The following PACSIN2 variants were observed in gnomAD, a reference collection of about 807,000 sequenced individuals.
PACSIN2 encodes the protein protein kinase C and casein kinase substrate in neurons 2.
In PACSIN2, 25 loss-of-function variants were observed where a neutral mutation model predicts 63.8. The observed-to-expected ratio is 0.39, with a 90% CI of 0.29 to 0.55. The LOEUF is 0.55. PACSIN2 is among the 20% of genes least tolerant of loss of function. The pLI, the probability that PACSIN2 is intolerant of heterozygous loss-of-function variation, is 0.62. For synonymous variants in PACSIN2, 255 were observed against 256.2 expected, an observed-to-expected ratio of 1.00 and a Z score of 0.05; for missense variants, 518 against 646.9, an observed-to-expected ratio of 0.80 and a Z score of 2.16.
rs1213930481 is a variant in PACSIN2 at position 42,870,446 on chromosome 22, G to A, written c.*911C>T. The A allele has an allele frequency of 4.6e-5, 7 of 152,114 alleles. No homozygotes were observed. The highest frequency in any genetic ancestry group is 8.8e-5 in the Non-Finnish European group (6 of 68,030). 9.4% of individuals were successfully genotyped at this position (152,114 alleles called of 1,614,324 possible). On this transcript the variant is annotated 3_prime_UTR_variant, in exon 11 of 11. Transcript: ENST00000263246. ...AATCTCATTAAAACAGTAGACGAGT[G>A]CTTTAGATTCTCTGAATATCAAATA...
At chr22:42,876,395 G>T (rs1454909677) in intron 9 of PACSIN2, 62 bp from the exon 10 acceptor site, 10 of 1,433,064 alleles carry the variant, frequency 7.0e-6, no homozygotes, top group African/African-American at 1.4e-5. Flanking sequence ...TGAGGCCCCC[G>T]CCCCGCAAGG....
intron 2 of PACSIN2, among the ~76,000 whole-genome samples, chr22:42,907,407 G>A (rs1447419072): frequency 2.0e-5 from 3 of 152,220 alleles, no homozygotes; most frequent in Admixed American, 2.0e-4. Flanking sequence ...TCAGTGAAAA[G>A]AAATAATTAA....
chr22:42,972,989 T>C (rs946007981), intron 1 of PACSIN2, among the ~76,000 whole-genome samples: 3 of 152,248 alleles, frequency 2.0e-5, no homozygotes, highest in Non-Finnish European at 4.4e-5. Context: ...CATGTGAGGA[T>C]TGTTCATTGT....
chr22:42,962,780 G>C (rs189499414), intron 1 of PACSIN2, among the ~76,000 whole-genome samples: 150 of 65,164 alleles, frequency 2.3e-3, no homozygotes, highest in East Asian at 0.013. Flanking sequence ...GTGGGCGGGG[G>C]GGGGGGGCGG....
rs1425724153 is a variant in PACSIN2, at chr22:42,870,066, G to C, written c.*1291C>G. The C allele has an allele frequency of 6.6e-6, 1 of 150,892 alleles. No individual in the cohort carries two copies. 9.3% of individuals were successfully genotyped at this position (150,892 alleles called of 1,614,324 possible). ...CCCCGCCGGCCCGCGTGGCCCCCGC[G>C]TAACTCTGGCTGCAGCACCTGCTCC... On this transcript the variant is annotated 3_prime_UTR_variant, in exon 11 of 11. Transcript: ENST00000263246.
At chr22:42,919,949 A>G (rs906257881) in intron 1 of PACSIN2, among the ~76,000 whole-genome samples, 7 of 150,908 alleles carry the variant, frequency 4.6e-5, no homozygotes, top group Admixed American at 6.6e-5. Flanking sequence ...AAAAAAAAAA[A>G]AAAGAAAAAT....
At chr22:42,922,352 C>A (rs1450223258) in intron 1 of PACSIN2, among the ~76,000 whole-genome samples, 1 of 152,208 alleles carries the variant, frequency 6.6e-6, no homozygotes, top group Non-Finnish European at 1.5e-5. Flanking sequence ...CACAACCAGA[C>A]AAAAGAACAG....
At chr22:42,960,053 G>A (rs954319980) in intron 1 of PACSIN2, among the ~76,000 whole-genome samples, 3 of 152,204 alleles carry the variant, frequency 2.0e-5, no homozygotes, top group Admixed American at 6.5e-5. Context: ...TGGCCAAAGA[G>A]AAATTTCAGT....
chr22:42,874,631 G>A (rs764516227), intron 10 of PACSIN2, among the ~76,000 whole-genome samples: 1 of 152,168 alleles, frequency 6.6e-6, no homozygotes. Context: ...CTGGCAGTTG[G>A]GGACCCCTAG....
intron 2 of PACSIN2, among the ~76,000 whole-genome samples, chr22:42,907,594 C>T (rs1435411608): frequency 6.6e-6 from 1 of 152,254 alleles, no homozygotes; most frequent in African/African-American, 2.4e-5. Flanking sequence ...CGGAAAAGTC[C>T]GTTGGGGTCG....
chr22:42,990,798 T>C (rs558597753), intron 1 of PACSIN2, among the ~76,000 whole-genome samples: 1 of 151,266 alleles, frequency 6.6e-6, no homozygotes, highest in East Asian at 2.0e-4. Flanking sequence ...AATAAGAACA[T>C]GAAGATGTGG....
chr22:42,934,837 G>A (rs1245358296), intron 1 of PACSIN2, among the ~76,000 whole-genome samples: 1 of 152,096 alleles, frequency 6.6e-6, no homozygotes, highest in Non-Finnish European at 1.5e-5. Context: ...CTCAGTGAGG[G>A]TCACTGAAAG....
chr22:42,875,287 TATGCAAC>T (rs1928520547), intron 10 of PACSIN2, among the ~76,000 whole-genome samples: 1 of 151,702 alleles, frequency 6.6e-6, no homozygotes, highest in South Asian at 2.1e-4. Context: ...GGACTATAGG[TATGCAAC>T]ACCACGCCCA....
chr22:42,902,199 G>T (rs1208239705), intron 2 of PACSIN2, among the ~76,000 whole-genome samples: 1 of 152,238 alleles, frequency 6.6e-6, no homozygotes, highest in Non-Finnish European at 1.5e-5. Context: ...GAACACTCTG[G>T]GTGGTCAGGG....
rs570476228 is a variant in PACSIN2, at chr22:42,929,163, A to G, written c.-77-17006T>C. Reference sequence around the variant, plus strand: ...TGCAACTATACTCACCAGGACCCCAATGTCCGGGCTTGAGCTCATTATCAG... The same window carrying G: ...TGCAACTATACTCACCAGGACCCCAGTGTCCGGGCTTGAGCTCATTATCAG... On this transcript the variant is annotated intron_variant, in intron 1 of 10. Transcript: ENST00000263246. Among the ~76,000 whole-genome samples the G allele has an allele frequency of 7.2e-5, 11 of 152,322 alleles. No homozygotes were observed. The South Asian group carries it at 8.3e-4, about 11-fold the overall frequency.
At chr22:42,885,497 G>A (rs947616439) in intron 5 of PACSIN2, among the ~76,000 whole-genome samples, 3 of 152,130 alleles carry the variant, frequency 2.0e-5, no homozygotes, top group Non-Finnish European at 1.5e-5. Flanking sequence ...AACAACATGT[G>A]CAGGGCCTTC....
chr22:42,960,313 A>G (rs1475279747), intron 1 of PACSIN2, among the ~76,000 whole-genome samples: 1 of 152,164 alleles, frequency 6.6e-6, no homozygotes, highest in Non-Finnish European at 1.5e-5. Context: ...CACTGTCCCT[A>G]CATGTGGAAG....
chr22:42,958,231 C>G (rs1933994995), intron 1 of PACSIN2, among the ~76,000 whole-genome samples: 1 of 151,956 alleles, frequency 6.6e-6, no homozygotes, highest in Non-Finnish European at 1.5e-5. Flanking sequence ...AGACGAGTGA[C>G]CTTGGACAAG....
intron 1 of PACSIN2, among the ~76,000 whole-genome samples, chr22:42,924,437 C>T (rs1932400968): frequency 6.6e-6 from 1 of 152,210 alleles, no homozygotes. Flanking sequence ...ATATATTTAA[C>T]AATCTGACTT....
Sources: allele counts gnomAD v4.1 joint callset (sites outside exome capture counted in the v4.1 genomes callset), GRCh38; gene constraint gnomAD v4.1.1; transcripts MANE v1.5; gene names NCBI Gene and HGNC (gene_info 2026-07-23, HGNC 2026-07-21).